The following SETBP1 variants were observed in gnomAD, a reference collection of about 807,000 sequenced individuals.
SETBP1 encodes SET-binding protein.
SETBP1 carries 9 observed loss-of-function variants against 101.0 expected under a neutral mutation model. That is an observed-to-expected ratio of 0.09 (90% CI 0.05 to 0.16). The LOEUF is 0.16. Ranked by LOEUF, SETBP1 falls within the 10% of genes least tolerant of loss-of-function variation. SETBP1 has a pLI of 1.00. For synonymous variants in SETBP1, 818 were observed against 788.5 expected (o/e 1.04, Z -0.63); for missense variants, 1,858 against 2,033.8 (o/e 0.91, Z 1.66).
At chr18:44,885,348 G>A (rs769111481) in intron 3 of SETBP1, among the ~76,000 whole-genome samples, 43 of 152,146 alleles carry the variant, frequency 2.8e-4, no homozygotes, top group Non-Finnish European at 5.9e-4. Context: ...AATATTCTCA[G>A]AGCTCTTAAC....
rs1364026887 is a variant in SETBP1, at chr18:44,952,357, A to G, written c.3017A>G (p.Tyr1006Cys). ...VPYIQYDPLL[Y>C]LRRTSDLKSK... The stretch of plus-strand genomic sequence containing the variant: ...TATATCCAGTATGACCCGTTGCTCT[A>G]TCTTCGTAGGACTTCAGACTTGAAG... Residue 1006 changes from tyrosine (Y) to cysteine (C), a missense_variant, in exon 4 of 6, where the codon TAT (tyrosine) becomes TGT (cysteine). Transcript: ENST00000649279. 5.6e-6 allele frequency: 9 copies of G among 1,614,114 alleles called. No homozygotes were observed. The highest frequency in any genetic ancestry group is 3.3e-5 in the South Asian group (3 of 91,070).
intron 2 of SETBP1, among the ~76,000 whole-genome samples, chr18:44,806,390 C>T (rs1488168220): frequency 6.6e-6 from 1 of 152,016 alleles, no homozygotes; most frequent in African/African-American, 2.4e-5. Flanking sequence ...AATATTTTCT[C>T]CTTTTCATAT....
intron 3 of SETBP1, among the ~76,000 whole-genome samples, chr18:44,918,837 G>A (rs1022015097): frequency 2.6e-5 from 4 of 152,204 alleles, no homozygotes; most frequent in Admixed American, 2.0e-4. Flanking sequence ...CACTGCCACT[G>A]GGATGGACCC....
chr18:44,886,934 T>G (rs895167982), intron 3 of SETBP1, among the ~76,000 whole-genome samples: 1 of 152,142 alleles, frequency 6.6e-6, no homozygotes, highest in Non-Finnish European at 1.5e-5. Flanking sequence ...GTCAGAGACC[T>G]TGCTTGCAGC....
At chr18:44,938,429 A>T (rs2071011806) in intron 3 of SETBP1, among the ~76,000 whole-genome samples, 1 of 152,274 alleles carries the variant, frequency 6.6e-6, no homozygotes, top group South Asian at 2.1e-4. Flanking sequence ...CAGGGTGATT[A>T]GAATATGAAA....
At chr18:44,880,611 G>C (rs554190213) in intron 3 of SETBP1, among the ~76,000 whole-genome samples, 1 of 152,338 alleles carries the variant, frequency 6.6e-6, no homozygotes, top group African/African-American at 2.4e-5. Flanking sequence ...GCTGGAATCT[G>C]CTTGGCATCT....
chr18:44,692,932 G>A (rs1355226206), intron 1 of SETBP1, among the ~76,000 whole-genome samples: 2 of 152,172 alleles, frequency 1.3e-5, no homozygotes, highest in Non-Finnish European at 2.9e-5. Flanking sequence ...AATGCTGCTT[G>A]GAAGAGGTAA....
intron 4 of SETBP1, among the ~76,000 whole-genome samples, chr18:45,011,078 A>G (rs1409906139): frequency 2.6e-5 from 4 of 152,226 alleles, no homozygotes; most frequent in African/African-American, 9.7e-5. Flanking sequence ...GCACAGTTCT[A>G]GGATTAAAGA....
At position 44,950,493 on chromosome 18, in the gene SETBP1, C is replaced by G. The variant is rs536826094; in HGVS notation, c.1153C>G (p.Gln385Glu). ...TGCCCAAGAGGCATCACCAGCCAGG[C>G]AGAACGTGAGTTCTGCCAGTAATCC... ...DSAQEASPARQNVSSASNPEN... is the reference protein window; with the variant it reads ...DSAQEASPARENVSSASNPEN... Residue 385 changes from glutamine to glutamate, a missense_variant, in exon 4 of 6, where the codon CAG (glutamine) becomes GAG (glutamate). Physicochemically the swap from Gln to Glu is conservative, Grantham distance 29. Around this residue, in one of 12 missense-constraint regions of SETBP1, gnomAD observed 581 missense variants for 535.1 expected, o/e 1.09. Transcript: ENST00000649279. 1.4e-5 allele frequency: 23 copies of G among 1,614,126 alleles called. No individual in the cohort carries two copies. In the East Asian group the frequency reaches 4.9e-4, roughly 34 times the overall value.
intron 3 of SETBP1, among the ~76,000 whole-genome samples, chr18:44,889,823 A>G (rs932540716): frequency 6.6e-6 from 1 of 152,176 alleles, no homozygotes; most frequent in African/African-American, 2.4e-5. Flanking sequence ...TTTACAAATA[A>G]TTGGCCAATA....
chr18:44,818,994 C>G (rs56362837), intron 2 of SETBP1, among the ~76,000 whole-genome samples: 70 of 92,768 alleles, frequency 7.5e-4, no homozygotes, highest in Non-Finnish European at 8.9e-4. Context: ...GTGTGTGTGT[C>G]TGTGTGTGTG....
intron 2 of SETBP1, among the ~76,000 whole-genome samples, chr18:44,846,333 G>T (rs529290982): frequency 6.6e-6 from 1 of 152,160 alleles, no homozygotes; most frequent in Non-Finnish European, 1.5e-5. Context: ...GGTTTTTGGT[G>T]TATTACAAAG....
At chr18:45,038,795 C>T in intron 5 of SETBP1, 140 bp downstream of exon 5, 2 of 817,992 alleles carry the variant, frequency 2.4e-6, no homozygotes, top group East Asian at 2.7e-5. Context: ...GGAGCCGTTT[C>T]AGCACTGGCT....
At chr18:44,761,942 T>A (rs1335684405) in intron 2 of SETBP1, among the ~76,000 whole-genome samples, 1 of 152,192 alleles carries the variant, frequency 6.6e-6, no homozygotes, top group East Asian at 1.9e-4. Flanking sequence ...GGTCCTTCCA[T>A]GACTTGTGAC....
intron 2 of SETBP1, among the ~76,000 whole-genome samples, chr18:44,768,192 G>C (rs1420540740): frequency 6.6e-6 from 1 of 152,194 alleles, no homozygotes; most frequent in East Asian, 1.9e-4. Context: ...ATGCTTCAAA[G>C]TCCAATGTTG....
intron 4 of SETBP1, among the ~76,000 whole-genome samples, chr18:44,977,907 C>A (rs1011961249): frequency 2.0e-5 from 3 of 152,180 alleles, no homozygotes; most frequent in Non-Finnish European, 4.4e-5. Context: ...TTAGTAAAAT[C>A]TTTCCCAACT....
chr18:44,982,693 TA>T (rs1205673231), intron 4 of SETBP1, among the ~76,000 whole-genome samples: 2 of 152,246 alleles, frequency 1.3e-5, no homozygotes, highest in Non-Finnish European at 2.9e-5. Context: ...CCTCTTATTT[TA>T]TTTCTGTTCC....
intron 2 of SETBP1, among the ~76,000 whole-genome samples, chr18:44,768,875 C>T (rs1388055804): frequency 6.6e-6 from 1 of 152,182 alleles, no homozygotes; most frequent in East Asian, 1.9e-4. Context: ...TTCCGTATAC[C>T]CACAGTGGGT....
At chr18:44,878,438 T>C (rs1013950216) in intron 3 of SETBP1, among the ~76,000 whole-genome samples, 1 of 152,180 alleles carries the variant, frequency 6.6e-6, no homozygotes, top group Non-Finnish European at 1.5e-5. Flanking sequence ...ATTGATGTTT[T>C]GTACTGTATC....
Sources: gnomAD v4.1 joint callset for allele counts (sites outside exome capture counted in the v4.1 genomes callset) on GRCh38, gnomAD v4.1.1 for gene constraint, gnomAD v4.1.1 regional missense constraint, MANE v1.5 for transcripts, NCBI Gene and HGNC (gene_info 2026-07-23, HGNC 2026-07-21) for gene names.